The following SMIM36 variants were observed in gnomAD, a reference collection of about 807,000 sequenced individuals.
The protein encoded by SMIM36 is small integral membrane protein 36.
intron 1 of SMIM36, among the ~76,000 whole-genome samples, chr17:55,486,211 G>GT (rs1386144301): frequency 2.6e-5 from 4 of 151,230 alleles, no homozygotes; most frequent in Admixed American, 1.3e-4. Context: ...ATTTTTTTTT[G>GT]TATTTTTATT....
intron 1 of SMIM36, among the ~76,000 whole-genome samples, chr17:55,509,437 G>A (rs890895962): frequency 6.6e-6 from 1 of 152,138 alleles, no homozygotes; most frequent in Admixed American, 6.5e-5. Context: ...TCTTATCTTT[G>A]GTACCTGAGT....
the SMIM36 span, among the ~76,000 whole-genome samples, chr17:55,523,251 G>T: frequency 6.6e-6 from 1 of 152,166 alleles, no homozygotes; most frequent in Non-Finnish European, 1.5e-5. Flanking sequence ...CACATGAGGG[G>T]CTGGGTGTGG....
At chr17:55,459,671 C>T (rs922549760) in intron 4 of SMIM36, among the ~76,000 whole-genome samples, 2 of 152,094 alleles carry the variant, frequency 1.3e-5, no homozygotes, top group African/African-American at 4.8e-5. Context: ...TTTCTCTACC[C>T]CAAAGGTTTA....
chr17:55,502,035 C>G (rs28807227), intron 1 of SMIM36, among the ~76,000 whole-genome samples: 46 of 131,872 alleles, frequency 3.5e-4, no homozygotes, highest in African/African-American at 1.2e-3. Flanking sequence ...AAACGGCGCA[C>G]CACGAGACTA....
Position 55,508,431 on chromosome 17 carries a change from AATATATATAT to A in SMIM36, c.*174+2438_*174+2447del, listed in dbSNP as rs55879501. 3.9e-4 allele frequency among the ~76,000 whole-genome samples: 45 copies of A among 114,314 alleles called. 1 individual carries two copies. Among genetic ancestry groups the A allele is most frequent in the South Asian group, 1.4e-3 (5 of 3,490 alleles). The allele number at this position is 114,314 out of a possible 152,430, so 75.0% of individuals were successfully genotyped here. On this transcript the variant is annotated intron_variant, in intron 1 of 4. Transcript: ENST00000636752. The stretch of plus-strand genomic sequence containing the variant: ...CATATTTTATATATATATTCCTAGG[AATATATATAT>A]ATATATATATATATATATATATATA...
chr17:55,485,612 A>G (rs897485844), intron 1 of SMIM36, among the ~76,000 whole-genome samples: 19 of 152,212 alleles, frequency 1.2e-4, no homozygotes, highest in African/African-American at 4.6e-4. Flanking sequence ...CTTAAAAACC[A>G]ACATGGTCTA....
chr17:55,517,302 G>A, the SMIM36 span, among the ~76,000 whole-genome samples: 1 of 152,112 alleles, frequency 6.6e-6, no homozygotes, highest in Non-Finnish European at 1.5e-5. Context: ...TGTAATACCA[G>A]CACTTTGGGA....
At chr17:55,458,574 C>T (rs1275599217) in intron 4 of SMIM36, 1 of 137,864 alleles carries the variant, frequency 7.3e-6, no homozygotes, top group East Asian at 2.6e-4. Context: ...ACCCCCACCC[C>T]CCGCCCCGTA....
chr17:55,462,235 TAAG>T (rs1344252424), intron 4 of SMIM36, among the ~76,000 whole-genome samples: 2 of 152,272 alleles, frequency 1.3e-5, no homozygotes, highest in East Asian at 1.9e-4. Flanking sequence ...TAATACTTAA[TAAG>T]AAGTATATAA....
chr17:55,482,715 A>G (rs1909540599), intron 1 of SMIM36, among the ~76,000 whole-genome samples: 1 of 152,218 alleles, frequency 6.6e-6, no homozygotes, highest in Non-Finnish European at 1.5e-5. Context: ...TGCATTTGTC[A>G]TTGTTACATT....
At chr17:55,474,890 A>G (rs1179347410) in intron 3 of SMIM36, among the ~76,000 whole-genome samples, 1 of 152,172 alleles carries the variant, frequency 6.6e-6, no homozygotes, top group Non-Finnish European at 1.5e-5. Flanking sequence ...AAAACTTAGA[A>G]CTTTGTGTGA....
chr17:55,462,638 C>T (rs1214650129), intron 4 of SMIM36, among the ~76,000 whole-genome samples: 1 of 151,998 alleles, frequency 6.6e-6, no homozygotes, highest in Non-Finnish European at 1.5e-5. Context: ...TAAATACATA[C>T]AAATTTTTAA....
intron 1 of SMIM36, among the ~76,000 whole-genome samples, chr17:55,497,417 A>C (rs575133521): frequency 6.6e-6 from 1 of 152,254 alleles, no homozygotes; most frequent in South Asian, 2.1e-4. Context: ...GGCAAGCGCC[A>C]CCACGCCCGG....
chr17:55,460,044 T>G (rs1422006302), intron 4 of SMIM36, among the ~76,000 whole-genome samples: 1 of 152,158 alleles, frequency 6.6e-6, no homozygotes, highest in Non-Finnish European at 1.5e-5. Context: ...TTACTATGTA[T>G]TATTATCACT....
the SMIM36 span, among the ~76,000 whole-genome samples, chr17:55,519,664 AGAAT>A: frequency 6.9e-6 from 1 of 145,560 alleles, no homozygotes; most frequent in Middle Eastern, 3.5e-3. Flanking sequence ...AAGAGGGAAG[AGAAT>A]GAGGTGAGCT....
At chr17:55,466,277 CAAAAAAAAAAAAAA>C (rs796506078) in intron 4 of SMIM36, among the ~76,000 whole-genome samples, 1 of 46,882 alleles carries the variant, frequency 2.1e-5, no homozygotes, top group African/African-American at 7.5e-5. Flanking sequence ...GACTCCGTCT[CAAAAAAAAAAAAAA>C]AAAAAAAAAA....
chr17:55,501,353 T>TATAATATATAATATTATAGAA lies in SMIM36; in HGVS notation c.*174+9525_*174+9526insTTCTATAATATTATATATTAT, dbSNP rs1909961221. ...TATATAATATATTATATATTATATTTTATAATATATAATATATTATATATT... is the reference window on the plus strand; with the variant it reads ...TATATAATATATTATATATTATATTTATAATATATAATATTATAGAATATAATATATAATATATTATATATT... On this transcript the variant is annotated intron_variant, in intron 1 of 4. Transcript: ENST00000636752. Among the ~76,000 whole-genome samples the TATAATATATAATATTATAGAA allele has an allele frequency of 9.5e-5, 6 of 63,488 alleles. No homozygotes were observed. In the Admixed American group the frequency reaches 1.2e-3, roughly 13 times the overall value. 41.7% of individuals were successfully genotyped at this position (63,488 alleles called of 152,430 possible).
At chr17:55,513,551 C>T (rs572794643), upstream of SMIM36, among the ~76,000 whole-genome samples, 10 of 152,284 alleles carry the variant, frequency 6.6e-5, no homozygotes, top group Non-Finnish European at 1.2e-4. Context: ...CAGACAGAAG[C>T]GAGGCTTTAA....
chr17:55,460,455 A>AAAAAAAC (rs1567862737), intron 4 of SMIM36, among the ~76,000 whole-genome samples: 1 of 148,886 alleles, frequency 6.7e-6, no homozygotes, highest in African/African-American at 2.5e-5. Context: ...AACAAAACAA[A>AAAAAAAC]AAAAAAGAAC....
Sources: allele counts gnomAD v4.1 joint callset (sites outside exome capture counted in the v4.1 genomes callset), GRCh38; gene constraint gnomAD v4.1.1; transcripts MANE v1.5; gene names NCBI Gene and HGNC (gene_info 2026-07-23, HGNC 2026-07-21).